NPY2R: variants seen among roughly 807,000 people sequenced by gnomAD.
The protein encoded by NPY2R is neuropeptide Y receptor Y2.
In NPY2R, 17 loss-of-function variants were observed where a neutral mutation model predicts 22.3. The observed-to-expected ratio is 0.76, with a 90% CI of 0.52 to 1.14. The LOEUF is 1.14. NPY2R is among the 50% of genes most tolerant of loss of function. The pLI, the probability that NPY2R is intolerant of heterozygous loss-of-function variation, is 0.00. For missense variants in NPY2R, 424 were observed against 467.9 expected, an observed-to-expected ratio of 0.91 and a Z score of 0.87; for synonymous variants, 209 against 183.4, an observed-to-expected ratio of 1.14 and a Z score of -1.13.
chr4:155,199,641 A>G, the NPY2R span, among the ~76,000 whole-genome samples: 8 of 152,328 alleles, frequency 5.3e-5, no homozygotes, highest in South Asian at 1.7e-3. Flanking sequence ...AGCAACCAAA[A>G]TAGCATGGTA....
At chr4:155,192,590 T>C in the NPY2R span, among the ~76,000 whole-genome samples, 1 of 151,974 alleles carries the variant, frequency 6.6e-6, no homozygotes, top group African/African-American at 2.4e-5. Flanking sequence ...ATATTTAATA[T>C]CTCACACACA....
At chr4:155,194,332 A>C in the NPY2R span, among the ~76,000 whole-genome samples, 1 of 150,140 alleles carries the variant, frequency 6.7e-6, no homozygotes, top group East Asian at 1.9e-4. Context: ...TGGTGTACCA[A>C]TGATTTCGTC....
the NPY2R span, among the ~76,000 whole-genome samples, chr4:155,184,816 C>G: frequency 1.3e-5 from 2 of 151,836 alleles, 1 homozygote; most frequent in African/African-American, 4.8e-5. Flanking sequence ...TAAACCTATG[C>G]AAGTAACTGT....
At chr4:155,194,361 G>A in the NPY2R span, among the ~76,000 whole-genome samples, 2 of 150,292 alleles carry the variant, frequency 1.3e-5, no homozygotes, top group African/African-American at 4.8e-5. Flanking sequence ...AGTGAGCATA[G>A]TCCCCGACAG....
chr4:155,189,470 T>A, the NPY2R span, among the ~76,000 whole-genome samples: 1 of 152,030 alleles, frequency 6.6e-6, no homozygotes, highest in Non-Finnish European at 1.5e-5. Flanking sequence ...CTGTGAATCA[T>A]ATATGTATTA....
Position 155,215,267 on chromosome 4 carries a change from C to T in NPY2R, c.*182C>T, listed in dbSNP as rs775697497. The T allele has an allele frequency of 7.2e-6, 5 of 696,660 alleles. No homozygotes were observed. Among genetic ancestry groups the T allele is most frequent in the Non-Finnish European group, 1.3e-5 (5 of 386,086 alleles). The allele number at this position is 696,660 out of a possible 1,614,324, so 43.2% of individuals were successfully genotyped here. A position where few individuals can be genotyped will look rare whatever the true frequency, so the allele number is the denominator to read the frequency against. ...GAGCCTGTGTGAAAATACTGGAATT[C>T]AAAGATAAGGCAACAAAATGGTTTA... is the stretch of plus-strand genomic sequence containing the variant. On this transcript the variant is annotated 3_prime_UTR_variant, in exon 2 of 2. Coordinates refer to ENST00000329476, the MANE Select transcript of NPY2R (RefSeq NM_000910.4).
At chr4:155,188,283 G>C in the NPY2R span, among the ~76,000 whole-genome samples, 1 of 151,998 alleles carries the variant, frequency 6.6e-6, no homozygotes, top group Non-Finnish European at 1.5e-5. Flanking sequence ...AGAATCACCT[G>C]TTCTATGTAC....
the NPY2R span, among the ~76,000 whole-genome samples, chr4:155,180,396 A>T: frequency 6.6e-6 from 1 of 152,238 alleles, no homozygotes; most frequent in African/African-American, 2.4e-5. Flanking sequence ...GCTTGAATGC[A>T]GTTCATTACA....
Position 155,214,537 on chromosome 4 carries a change from A to T in NPY2R, c.598A>T (p.Ile200Phe), listed in dbSNP as rs1729471960. Residue 200 changes from isoleucine (I) to phenylalanine (F), a missense_variant, in exon 2 of 2, where the codon ATT (isoleucine) becomes TTT (phenylalanine). By Grantham distance (21) the Ile-to-Phe change is conservative (BLOSUM62 0). Coordinates refer to ENST00000329476, the MANE Select transcript of NPY2R (RefSeq NM_000910.4). Reference protein sequence around the residue: ...SLIEIIPDFEIVACTEKWPGE... With the variant: ...SLIEIIPDFEFVACTEKWPGE... ...GATTGAGATCATCCCGGACTTTGAG[A>T]TTGTGGCCTGTACTGAAAAGTGGCC... 12 of 1,613,966 alleles carry T rather than the reference A, an allele frequency of 7.4e-6. No individual in the cohort carries two copies. The highest frequency in any genetic ancestry group is 1.0e-5 in the Non-Finnish European group (12 of 1,180,024).
chr4:155,216,896 G>A lies in NPY2R; in HGVS notation c.*1811G>A, dbSNP rs1228206444. On this transcript the variant is annotated 3_prime_UTR_variant, in exon 2 of 2. Coordinates refer to ENST00000329476, the MANE Select transcript of NPY2R (RefSeq NM_000910.4). Reference sequence around the variant, plus strand: ...GGTTAAAGATTTACCCTCCCTCTTGGTGAATTATTACACTGTAAGAAATGT... The same window carrying A: ...GGTTAAAGATTTACCCTCCCTCTTGATGAATTATTACACTGTAAGAAATGT... The A allele has an allele frequency of 6.0e-6, 1 of 166,896 alleles. No homozygotes were observed. Among genetic ancestry groups the A allele is most frequent in the Non-Finnish European group, 1.5e-5 (1 of 68,060 alleles). The allele number at this position is 166,896 out of a possible 1,614,324, so 10.3% of individuals were successfully genotyped here.
the NPY2R span, among the ~76,000 whole-genome samples, chr4:155,181,813 T>C: frequency 6.6e-6 from 1 of 152,182 alleles, no homozygotes; most frequent in Non-Finnish European, 1.5e-5. Context: ...GACTAAGATG[T>C]TCCACACCAA....
intron 1 of NPY2R, among the ~76,000 whole-genome samples, chr4:155,211,774 G>C (rs2063153538): frequency 1.3e-5 from 2 of 152,176 alleles, no homozygotes; most frequent in African/African-American, 4.8e-5. Context: ...ACTGCCTCCA[G>C]CTGGATGGAT....
the NPY2R span, among the ~76,000 whole-genome samples, chr4:155,201,130 C>T: frequency 1.3e-5 from 2 of 152,086 alleles, no homozygotes; most frequent in South Asian, 2.1e-4. Flanking sequence ...TTCCTTCCCT[C>T]CATTGTATAT....
the NPY2R span, among the ~76,000 whole-genome samples, chr4:155,177,081 C>A: frequency 6.6e-6 from 1 of 152,102 alleles, no homozygotes. Flanking sequence ...CTGACACTGG[C>A]CCCCCAAATT....
chr4:155,214,555 A>G lies in NPY2R; in HGVS notation c.616A>G (p.Lys206Glu). ...PDFEIVACTEKWPGEEKSIYG... is the reference protein window; with the variant it reads ...PDFEIVACTEEWPGEEKSIYG... ...CTTTGAGATTGTGGCCTGTACTGAA[A>G]AGTGGCCTGGCGAGGAGAAGAGCAT... The change falls in exon 2 of 2, where the codon AAG (lysine) becomes GAG (glutamate). Residue 206 changes from lysine to glutamate, a missense_variant. Transcript: ENST00000329476. 6.2e-7 allele frequency: 1 copy of G among 1,614,156 alleles called. No individual in the cohort carries two copies. Among genetic ancestry groups the G allele is most frequent in the Non-Finnish European group, 8.5e-7 (1 of 1,180,020 alleles).
At chr4:155,195,492 T>C in the NPY2R span, among the ~76,000 whole-genome samples, 80,483 of 151,610 alleles carry the variant, frequency 0.53, 22,481 homozygotes, top group East Asian at 0.94. Context: ...AGCACCACAG[T>C]TAAGAAATAT....
At chr4:155,189,352 C>T in the NPY2R span, among the ~76,000 whole-genome samples, 1 of 152,046 alleles carries the variant, frequency 6.6e-6, no homozygotes, top group African/African-American at 2.4e-5. Flanking sequence ...TCAGCAGTAA[C>T]TACATCTCCA....
upstream of NPY2R, among the ~76,000 whole-genome samples, chr4:155,204,224 C>T (rs1305335725): frequency 6.6e-6 from 1 of 151,742 alleles, no homozygotes; most frequent in Non-Finnish European, 1.5e-5. Flanking sequence ...AACGAAAAAG[C>T]TAGCTTTCTG....
the NPY2R span, among the ~76,000 whole-genome samples, chr4:155,194,214 A>G: frequency 2.0e-5 from 3 of 151,982 alleles, no homozygotes; most frequent in South Asian, 6.2e-4. Context: ...TAGTCTTTAT[A>G]GGAAATAATA....
Sources: allele counts gnomAD v4.1 joint callset (sites outside exome capture counted in the v4.1 genomes callset), GRCh38; gene constraint gnomAD v4.1.1; transcripts MANE v1.5; gene names NCBI Gene and HGNC (gene_info 2026-07-23, HGNC 2026-07-21).